The following TBC1D12 variants were observed in gnomAD, a reference collection of about 807,000 sequenced individuals.
TBC1D12 encodes TBC1 domain family, member 12.
In TBC1D12, 56 loss-of-function variants were observed where a neutral mutation model predicts 86.7. The ratio of observed to expected loss-of-function variants is 0.65; its 90% CI spans 0.52 to 0.81. The LOEUF (loss-of-function observed/expected upper bound fraction) is 0.81, where lower values mean the gene tolerates loss of function less well. Ranked by LOEUF, TBC1D12 falls within the 30% of genes least tolerant of loss-of-function variation. The pLI is 0.00. For missense variants in TBC1D12, 1,023 were observed against 1,038.8 expected, an observed-to-expected ratio of 0.98 and a Z score of 0.21; for synonymous variants, 421 against 411.7, an observed-to-expected ratio of 1.02 and a Z score of -0.27.
chr10:94,436,356 G>A (rs1215217120), intron 1 of TBC1D12, among the ~76,000 whole-genome samples: 1 of 151,316 alleles, frequency 6.6e-6, no homozygotes, highest in African/African-American at 2.4e-5. Context: ...TGATGGTCTC[G>A]ATCTCTTGAC....
intron 1 of TBC1D12, among the ~76,000 whole-genome samples, chr10:94,420,640 T>G (rs1251718472): frequency 1.3e-5 from 2 of 152,242 alleles, no homozygotes; most frequent in Non-Finnish European, 2.9e-5. Context: ...ATGTCTGGCT[T>G]CTTTCACTTT....
intron 2 of TBC1D12, among the ~76,000 whole-genome samples, chr10:94,458,388 C>T (rs1238594259): frequency 1.3e-5 from 2 of 152,094 alleles, no homozygotes; most frequent in Non-Finnish European, 2.9e-5. Flanking sequence ...TTCCTCTCAT[C>T]CTCTGTAACT....
chr10:94,429,750 T>C (rs938963783), intron 1 of TBC1D12, among the ~76,000 whole-genome samples: 2 of 152,196 alleles, frequency 1.3e-5, no homozygotes, highest in Non-Finnish European at 2.9e-5. Flanking sequence ...ACTTTTTTTT[T>C]TGAGACAGGT....
chr10:94,476,298 A>G (rs757618476), intron 3 of TBC1D12, among the ~76,000 whole-genome samples: 8 of 152,320 alleles, frequency 5.3e-5, no homozygotes, highest in Non-Finnish European at 8.8e-5. Flanking sequence ...TATTAAGTAC[A>G]TTATTCTTTT....
At chr10:94,422,076 A>G (rs930361998) in intron 1 of TBC1D12, among the ~76,000 whole-genome samples, 1 of 151,528 alleles carries the variant, frequency 6.6e-6, no homozygotes, top group Non-Finnish European at 1.5e-5. Flanking sequence ...TTTAGTTTGT[A>G]TTTTAATAGG....
In TBC1D12 at chr10:94,533,486, A is replaced by C; in HGVS notation, c.*390A>C. The stretch of plus-strand genomic sequence containing the variant: ...AGTAGGATTGTTAAATACTACTGTT[A>C]ACCTCCAAAGTACTATAGTACAGAC... On this transcript the variant is annotated 3_prime_UTR_variant, in exon 13 of 13. Coordinates refer to ENST00000225235, the MANE Select transcript of TBC1D12 (RefSeq NM_015188.2). The C allele has an allele frequency of 1.1e-5, 2 of 176,442 alleles. No individual in the cohort carries two copies. The highest frequency in any genetic ancestry group is 2.4e-5 in the Non-Finnish European group (2 of 85,014). The allele number at this position is 176,442 out of a possible 1,614,324, so 10.9% of individuals were successfully genotyped here. A position where few individuals can be genotyped will look rare whatever the true frequency, so the allele number is the denominator to read the frequency against.
intron 2 of TBC1D12, among the ~76,000 whole-genome samples, chr10:94,455,902 G>A (rs2055620011): frequency 6.6e-6 from 1 of 151,858 alleles, no homozygotes; most frequent in South Asian, 2.1e-4. Flanking sequence ...AGGTTCCAGT[G>A]AGCCAGGATG....
chr10:94,457,502 A>T (rs1000335563), intron 2 of TBC1D12, among the ~76,000 whole-genome samples: 3 of 151,622 alleles, frequency 2.0e-5, no homozygotes, highest in African/African-American at 4.8e-5. Flanking sequence ...GCATCCTCAA[A>T]CTCTTGGCCT....
chr10:94,402,879 C>G lies in TBC1D12; in HGVS notation c.266C>G (p.Pro89Arg), dbSNP rs1038172548. ...CTGGAGCCGGGGCTCTGCTACTGTC[C>G]GCTCCCCGCTGGCCAGGCCGGCGCC... ...EQLEPGLCYC[P>R]LPAGQAGAPP... The change falls in exon 1 of 13, where the codon CCG becomes CGG. Residue 89 changes from proline to arginine, a missense_variant. Transcript: ENST00000225235. 4 of 1,506,156 alleles carry G rather than the reference C, an allele frequency of 2.7e-6. No individual in the cohort carries two copies. In the Admixed American group the frequency reaches 8.8e-5, roughly 33 times the overall value. The allele number at this position is 1,506,156 out of a possible 1,614,324, so 93.3% of individuals were successfully genotyped here.
In TBC1D12 at chr10:94,429,458, G is replaced by C. The variant is rs371951579; in HGVS notation, c.972-12438G>C. Among the ~76,000 whole-genome samples the C allele has an allele frequency of 2.0e-5, 3 of 152,242 alleles. No homozygotes were observed. In the South Asian group the frequency reaches 6.2e-4, roughly 32 times the overall value. On this transcript the variant is annotated intron_variant, in intron 1 of 12. Transcript: ENST00000225235. ...TCCAAGTGAAAAATGATTGAGGCTT[G>C]TAAAGAATGTTAGTAATCTTTGTGC...
chr10:94,519,462 T>C (rs1179897857), intron 9 of TBC1D12, among the ~76,000 whole-genome samples: 1 of 151,858 alleles, frequency 6.6e-6, no homozygotes, highest in Non-Finnish European at 1.5e-5. Flanking sequence ...GAGGCTGAGG[T>C]GGGAAGATTA....
At chr10:94,454,972 A>G (rs1330045322) in intron 2 of TBC1D12, among the ~76,000 whole-genome samples, 1 of 152,176 alleles carries the variant, frequency 6.6e-6, no homozygotes, top group Non-Finnish European at 1.5e-5. Context: ...TTAGAGAGAC[A>G]GCTTCTAGTT....
intron 2 of TBC1D12, among the ~76,000 whole-genome samples, chr10:94,448,215 A>T (rs1341924360): frequency 6.6e-6 from 1 of 152,194 alleles, no homozygotes; most frequent in Non-Finnish European, 1.5e-5. Flanking sequence ...TGCAGGAACA[A>T]CATTATGGAA....
intron 9 of TBC1D12, among the ~76,000 whole-genome samples, chr10:94,513,513 A>C (rs532420463): frequency 1.3e-5 from 2 of 152,156 alleles, no homozygotes; most frequent in Non-Finnish European, 2.9e-5. Flanking sequence ...GCTCTTCATT[A>C]ATATTTTACA....
At chr10:94,493,555 T>C (rs765718563) in intron 4 of TBC1D12, 108 bp downstream of exon 4, 1 of 891,620 alleles carries the variant, frequency 1.1e-6, no homozygotes, top group Non-Finnish European at 1.7e-6. Context: ...TTTTTTTTAT[T>C]TCTTTTTTCG....
chr10:94,403,092 G>T lies in TBC1D12; in HGVS notation c.479G>T (p.Gly160Val). The change falls in exon 1 of 13, where the codon GGC becomes GTC. Residue 160 changes from glycine to valine, a missense_variant. Coordinates refer to ENST00000225235, the MANE Select transcript of TBC1D12 (RefSeq NM_015188.2). ...EEARGLARAG[G>V]RESRRRRPYG... Reference sequence around the variant, plus strand: ...GCTCGCGGGCTGGCGCGCGCCGGCGGCCGGGAGTCGCGCCGCCGCCGCCCC... The same window carrying T: ...GCTCGCGGGCTGGCGCGCGCCGGCGTCCGGGAGTCGCGCCGCCGCCGCCCC... The T allele has an allele frequency of 2.1e-6, 3 of 1,409,262 alleles. No individual in the cohort carries two copies. The highest frequency in any genetic ancestry group is 2.8e-6 in the Non-Finnish European group (3 of 1,086,360). 87.3% of individuals were successfully genotyped at this position (1,409,262 alleles called of 1,614,324 possible).
At chr10:94,465,362 A>G (rs913513335) in intron 2 of TBC1D12, among the ~76,000 whole-genome samples, 4 of 152,228 alleles carry the variant, frequency 2.6e-5, no homozygotes, top group African/African-American at 9.6e-5. Context: ...ATATGGTGGC[A>G]TAGGCCCGGG....
At chr10:94,448,425 A>T (rs2055502522) in intron 2 of TBC1D12, among the ~76,000 whole-genome samples, 2 of 152,192 alleles carry the variant, frequency 1.3e-5, no homozygotes, top group African/African-American at 4.8e-5. Context: ...CAAAACAATT[A>T]TTTCACTGAT....
intron 1 of TBC1D12, among the ~76,000 whole-genome samples, chr10:94,414,745 G>A (rs2054976633): frequency 6.6e-6 from 1 of 151,978 alleles, no homozygotes; most frequent in Non-Finnish European, 1.5e-5. Flanking sequence ...GATTACAGGC[G>A]TGCACCTCAC....
Sources: allele counts gnomAD v4.1 joint callset (sites outside exome capture counted in the v4.1 genomes callset), GRCh38; gene constraint gnomAD v4.1.1; transcripts MANE v1.5; gene names NCBI Gene and HGNC (gene_info 2026-07-23, HGNC 2026-07-21).